Variants in GRIK4 observed in about 807,000 individuals in gnomAD.
The protein encoded by GRIK4 is glutamate receptor ionotropic, kainate 4.
In GRIK4, 40 loss-of-function variants were observed where a neutral mutation model predicts 104.9. The ratio of observed to expected loss-of-function variants is 0.38; its 90% CI spans 0.30 to 0.50. The LOEUF (loss-of-function observed/expected upper bound fraction) is 0.50, where lower values mean the gene tolerates loss of function less well. Ranked by LOEUF, GRIK4 falls within the 20% of genes least tolerant of loss-of-function variation. The probability of loss-of-function intolerance (pLI) is 0.93; values close to 1 mark genes in which losing one functional copy is unlikely to be tolerated. For synonymous variants in GRIK4, 485 were observed against 524.9 expected (o/e 0.92, Z 1.04); for missense variants, 1,047 against 1,308.1 (o/e 0.80, Z 3.08).
intron 11 of GRIK4, among the ~76,000 whole-genome samples, chr11:120,880,428 A>T (rs1174129366): frequency 6.6e-6 from 1 of 152,212 alleles, no homozygotes; most frequent in Non-Finnish European, 1.5e-5. Context: ...GAGAGAGAAG[A>T]AGTCATGTAT....
intron 19 of GRIK4, among the ~76,000 whole-genome samples, chr11:120,968,112 C>T (rs1037432170): frequency 2.0e-5 from 3 of 152,114 alleles, no homozygotes; most frequent in African/African-American, 7.2e-5. Context: ...GATATTTTAT[C>T]GAAAGGATGA....
intron 2 of GRIK4, among the ~76,000 whole-genome samples, chr11:120,655,699 G>A (rs1269016703): frequency 6.6e-6 from 1 of 152,172 alleles, no homozygotes; most frequent in African/African-American, 2.4e-5. Context: ...GTGGTATTTA[G>A]GAGGCAGCGC....
intron 13 of GRIK4, among the ~76,000 whole-genome samples, chr11:120,917,264 A>G (rs868335409): frequency 2.7e-5 from 4 of 147,336 alleles, no homozygotes; most frequent in Non-Finnish European, 4.5e-5. Flanking sequence ...AAAAAAAAAA[A>G]AAAAAAAAGA....
At chr11:120,891,445 A>G (rs902894157) in intron 11 of GRIK4, among the ~76,000 whole-genome samples, 6 of 152,368 alleles carry the variant, frequency 3.9e-5, no homozygotes, top group Middle Eastern at 3.4e-3. Context: ...ACTTAGCAGC[A>G]TGTGACTTTG....
At chr11:120,557,887 G>A (rs1235001289) in intron 1 of GRIK4, among the ~76,000 whole-genome samples, 1 of 151,870 alleles carries the variant, frequency 6.6e-6, no homozygotes, top group Non-Finnish European at 1.5e-5. Context: ...GCGCGGTGGC[G>A]GGCGCCTGTA....
chr11:120,686,731 C>CTGA (rs1412291008), intron 3 of GRIK4, among the ~76,000 whole-genome samples: 1 of 152,214 alleles, frequency 6.6e-6, no homozygotes, highest in Non-Finnish European at 1.5e-5. Context: ...ATTTACCTTG[C>CTGA]TGATTATGTT....
intron 9 of GRIK4, 81 bp from the exon 10 acceptor site, chr11:120,873,985 C>T: frequency 8.0e-7 from 1 of 1,246,480 alleles, no homozygotes; most frequent in Non-Finnish European, 1.1e-6. Flanking sequence ...TTCCTCCATT[C>T]CTCTTATTTT....
intron 3 of GRIK4, among the ~76,000 whole-genome samples, chr11:120,747,430 T>C (rs1591861183): frequency 1.3e-5 from 2 of 152,178 alleles, no homozygotes; most frequent in East Asian, 3.8e-4. Context: ...CGAGTCAGTG[T>C]TAGCAGTGAT....
At chr11:120,697,596 C>T (rs180776733) in intron 3 of GRIK4, among the ~76,000 whole-genome samples, 43 of 152,316 alleles carry the variant, frequency 2.8e-4, no homozygotes, top group African/African-American at 7.9e-4. Flanking sequence ...GTCTGGGCGA[C>T]AGAGTGAGAC....
intron 9 of GRIK4, among the ~76,000 whole-genome samples, chr11:120,863,784 G>A (rs139885237): frequency 5.4e-4 from 83 of 152,344 alleles, no homozygotes; most frequent in African/African-American, 1.9e-3. Flanking sequence ...GTGGCCTGCG[G>A]AAGCCAGGGC....
chr11:120,881,997 A>G (rs910408213), intron 11 of GRIK4, among the ~76,000 whole-genome samples: 4 of 152,152 alleles, frequency 2.6e-5, no homozygotes, highest in African/African-American at 9.7e-5. Context: ...TTTCAAAAGC[A>G]AACAAACCTA....
chr11:120,521,368 G>A (rs545194005), intron 1 of GRIK4, among the ~76,000 whole-genome samples: 20 of 152,200 alleles, frequency 1.3e-4, no homozygotes, highest in Non-Finnish European at 2.1e-4. Context: ...CACCACGCCC[G>A]GCCCACAATG....
At chr11:120,634,601 C>G (rs994442512) in intron 1 of GRIK4, among the ~76,000 whole-genome samples, 2 of 151,790 alleles carry the variant, frequency 1.3e-5, no homozygotes, top group Non-Finnish European at 2.9e-5. Context: ...AGACTCTGTT[C>G]CTCTAGGGAC....
At chr11:120,525,468 T>A (rs1211130011) in intron 1 of GRIK4, among the ~76,000 whole-genome samples, 1 of 152,080 alleles carries the variant, frequency 6.6e-6, no homozygotes, top group Non-Finnish European at 1.5e-5. Flanking sequence ...GCCAGCCCCA[T>A]TCATACTGGG....
intron 1 of GRIK4, among the ~76,000 whole-genome samples, chr11:120,542,255 A>G (rs1948045340): frequency 6.6e-6 from 1 of 152,246 alleles, no homozygotes; most frequent in Non-Finnish European, 1.5e-5. Context: ...ATTCACATGC[A>G]AAAGAATGAA....
intron 4 of GRIK4, among the ~76,000 whole-genome samples, chr11:120,803,373 A>G (rs1396341093): frequency 6.6e-6 from 1 of 152,202 alleles, no homozygotes; most frequent in Non-Finnish European, 1.5e-5. Context: ...CTACATCTTT[A>G]AAATAGGAAT....
intron 8 of GRIK4, among the ~76,000 whole-genome samples, chr11:120,861,516 G>GC (rs1954262652): frequency 6.6e-6 from 1 of 152,090 alleles, no homozygotes; most frequent in Non-Finnish European, 1.5e-5. Context: ...CACTGAAAGG[G>GC]CCATGCACTT....
intron 3 of GRIK4, among the ~76,000 whole-genome samples, chr11:120,738,677 A>G (rs1951270829): frequency 6.6e-6 from 1 of 152,206 alleles, no homozygotes; most frequent in Non-Finnish European, 1.5e-5. Flanking sequence ...AGGAGGCACC[A>G]TGCTTGCGGG....
chr11:120,811,460 C>T (rs544298220), intron 4 of GRIK4, among the ~76,000 whole-genome samples: 1 of 152,272 alleles, frequency 6.6e-6, no homozygotes, highest in East Asian at 1.9e-4. Flanking sequence ...TCTTTAATTT[C>T]TCTCTGTTGA....
Sources: allele counts gnomAD v4.1 joint callset (sites outside exome capture counted in the v4.1 genomes callset), GRCh38; gene constraint gnomAD v4.1.1; transcripts MANE v1.5; gene names NCBI Gene and HGNC (gene_info 2026-07-23, HGNC 2026-07-21).